The following TMEM131 variants were observed in gnomAD, a reference collection of about 807,000 sequenced individuals.
TMEM131 encodes the protein transmembrane protein 131, also known as 2610524E03Rik.
A neutral mutation model predicts 211.6 loss-of-function variants in TMEM131; 66 were observed. The ratio of observed to expected loss-of-function variants is 0.31; its 90% CI spans 0.26 to 0.38. The LOEUF (loss-of-function observed/expected upper bound fraction) is 0.38, where lower values mean the gene tolerates loss of function less well. Ranked by LOEUF, TMEM131 falls within the 10% of genes least tolerant of loss-of-function variation. The pLI, the probability that TMEM131 is intolerant of heterozygous loss-of-function variation, is 1.00. For missense variants in TMEM131, 2,036 were observed against 2,299.3 expected, an observed-to-expected ratio of 0.89 and a Z score of 2.34; for synonymous variants, 844 against 841.3, an observed-to-expected ratio of 1.00 and a Z score of -0.06.
intron 3 of TMEM131, among the ~76,000 whole-genome samples, chr2:97,894,467 T>C (rs139332913): frequency 0.025 from 3,825 of 152,336 alleles, 165 homozygotes; most frequent in African/African-American, 0.088. Context: ...TAAATTACTT[T>C]GGGCAGTATG....
At chr2:97,935,543 TTAAGA>T (rs1677405833) in intron 1 of TMEM131, among the ~76,000 whole-genome samples, 1 of 152,226 alleles carries the variant, frequency 6.6e-6, no homozygotes, top group African/African-American at 2.4e-5. Flanking sequence ...ATTTATAATA[TTAAGA>T]TAATGAAATT....
At chr2:97,810,862 G>A (rs1012525392) in intron 18 of TMEM131, among the ~76,000 whole-genome samples, 2 of 152,126 alleles carry the variant, frequency 1.3e-5, no homozygotes, top group African/African-American at 4.8e-5. Context: ...ATCTGTTTAA[G>A]CAGGTTTCTA....
chr2:97,759,150 C>A, intron 39 of TMEM131, 97 bp from the exon 40 acceptor site: 1 of 1,476,626 alleles, frequency 6.8e-7, no homozygotes, highest in Non-Finnish European at 9.3e-7. Flanking sequence ...CCAACCACTG[C>A]TCCTGGAGCC....
chr2:97,858,012 T>C (rs1324854946), intron 5 of TMEM131, among the ~76,000 whole-genome samples: 1 of 152,224 alleles, frequency 6.6e-6, no homozygotes, highest in Admixed American at 6.5e-5. Flanking sequence ...CCAGAAGTAA[T>C]ATGCTGATTT....
chr2:97,931,459 C>T (rs577472113), intron 1 of TMEM131, among the ~76,000 whole-genome samples: 1 of 152,230 alleles, frequency 6.6e-6, no homozygotes, highest in African/African-American at 2.4e-5. Flanking sequence ...TCTTTGTCTA[C>T]TAAGTTTTTG....
rs1681594982 is a variant in TMEM131 at position 97,812,504 on chromosome 2, C to T, written c.1780G>A (p.Val594Ile). 1.2e-6 allele frequency: 2 copies of T among 1,612,638 alleles called. No homozygotes were observed. The highest frequency in any genetic ancestry group is 2.2e-5 in the East Asian group (1 of 44,800). The change falls in exon 17 of 41, where the codon GTA becomes ATA. Residue 594 changes from valine (V) to isoleucine (I), a missense_variant. Val to Ile is a conservative substitution (Grantham distance 29). This residue lies in a region of TMEM131 where 1,623 missense variants were observed against 1,805.9 expected (regional missense o/e 0.90). Transcript: ENST00000186436. Reference sequence around the variant, plus strand: ...GTTCTATTGCCTCTTTCCACAGCTACAAGTTCTATTGATAAACCGTCTCCT... The same window carrying T: ...GTTCTATTGCCTCTTTCCACAGCTATAAGTTCTATTGATAAACCGTCTCCT... ...IIGDGLSIEL[V>I]AVERGNRTTI...
chr2:97,962,682 G>A (rs1239349285), intron 1 of TMEM131, among the ~76,000 whole-genome samples: 1 of 152,038 alleles, frequency 6.6e-6, no homozygotes, highest in African/African-American at 2.4e-5. Context: ...TCTACTCCCA[G>A]GTATTACTTG....
intron 31 of TMEM131, among the ~76,000 whole-genome samples, chr2:97,779,573 T>G (rs765545095): frequency 6.6e-6 from 1 of 152,234 alleles, no homozygotes; most frequent in African/African-American, 2.4e-5. Context: ...AAGTGTCCCC[T>G]GTTGCCCCAG....
rs189582653 is a variant in TMEM131 at position 97,871,720 on chromosome 2, T to C, written c.360-12293A>G. On this transcript the variant is annotated intron_variant, in intron 4 of 40. Transcript: ENST00000186436. ...TAGCCCCCTGCCCACAAAACTATCC[T>C]TGTAAAACCCTAATCTCCAAGCCTT... Among the ~76,000 whole-genome samples the C allele has an allele frequency of 5.4e-3, 819 of 152,252 alleles. 3 individuals carry two copies. The highest frequency in any genetic ancestry group is 7.5e-3 in the Non-Finnish European group (507 of 68,024).
intron 8 of TMEM131, among the ~76,000 whole-genome samples, chr2:97,835,650 G>A (rs1682904807): frequency 6.6e-6 from 1 of 152,174 alleles, no homozygotes; most frequent in Non-Finnish European, 1.5e-5. Context: ...CTACAGCTTA[G>A]TGGCCTTCAC....
intron 22 of TMEM131, among the ~76,000 whole-genome samples, chr2:97,803,924 T>C (rs1349553392): frequency 6.6e-6 from 1 of 152,240 alleles, no homozygotes; most frequent in Non-Finnish European, 1.5e-5. Flanking sequence ...TTTTAATTAG[T>C]GTTCTCTTAG....
chr2:97,757,016 A>C lies in TMEM131; in HGVS notation c.*83T>G, dbSNP rs1678519587. The C allele has an allele frequency of 6.9e-7, 1 of 1,457,592 alleles. No homozygotes were observed. The highest frequency in any genetic ancestry group is 1.4e-5 in the African/African-American group (1 of 70,690). 90.3% of individuals were successfully genotyped at this position (1,457,592 alleles called of 1,614,324 possible). On this transcript the variant is annotated 3_prime_UTR_variant, in exon 41 of 41. Coordinates refer to ENST00000186436, the MANE Select transcript of TMEM131 (RefSeq NM_015348.2). The stretch of plus-strand genomic sequence containing the variant: ...GGAGGGTGGGGAGGGGAGCTGCAGT[A>C]AGAGCCTTAAAAAGATGTCTCAGAA...
chr2:97,805,812 A>C, intron 19 of TMEM131, 109 bp from the exon 20 acceptor site: 1 of 994,142 alleles, frequency 1.0e-6, no homozygotes, highest in Non-Finnish European at 1.4e-6. Flanking sequence ...AGCCCAAAAG[A>C]CATCTTAGAA....
chr2:97,943,101 G>GCA lies in TMEM131; in HGVS notation c.188-15615_188-15614insTG, dbSNP rs1225034857. On this transcript the variant is annotated intron_variant, in intron 1 of 40. Coordinates refer to ENST00000186436, the MANE Select transcript of TMEM131 (RefSeq NM_015348.2). ...AGAAAGAAAGAAAGAAAGAAAGAAA[G>GCA]AGCTGGGTGTGGTGGTGCATGCCTG... Among the ~76,000 whole-genome samples the GCA allele has an allele frequency of 1.9e-3, 287 of 149,468 alleles. 3 individuals carry two copies. Among genetic ancestry groups the GCA allele is most frequent in the African/African-American group, 6.8e-3 (271 of 40,076 alleles).
intron 5 of TMEM131, among the ~76,000 whole-genome samples, chr2:97,853,432 TAAAAAAAAA>T (rs55752619): frequency 1.1e-5 from 1 of 90,418 alleles, no homozygotes; most frequent in Non-Finnish European, 2.1e-5. Flanking sequence ...CCATCTCTAC[TAAAAAAAAA>T]AAAAAAAAAA....
At chr2:97,763,215 A>T (rs911549274) in intron 35 of TMEM131, 4 of 152,432 alleles carry the variant, frequency 2.6e-5, no homozygotes, top group Admixed American at 2.0e-4. Flanking sequence ...CTGTAGCACA[A>T]GCTGCTTCTC....
intron 1 of TMEM131, among the ~76,000 whole-genome samples, chr2:97,991,126 T>G (rs1680245325): frequency 6.6e-6 from 1 of 152,164 alleles, no homozygotes; most frequent in Non-Finnish European, 1.5e-5. Context: ...CAATGAAAGT[T>G]TAGGCAAACT....
chr2:97,841,551 T>C (rs916059694), intron 7 of TMEM131, among the ~76,000 whole-genome samples: 7 of 152,192 alleles, frequency 4.6e-5, no homozygotes, highest in African/African-American at 1.7e-4. Context: ...CAGAGCTGCC[T>C]AAACTATAAC....
intron 1 of TMEM131, among the ~76,000 whole-genome samples, chr2:97,984,792 A>T (rs1002073928): frequency 6.6e-6 from 1 of 151,896 alleles, no homozygotes; most frequent in African/African-American, 2.4e-5. Flanking sequence ...ATAGCTTTTT[A>T]AAAAGAGTTT....
Sources: allele counts gnomAD v4.1 joint callset (sites outside exome capture counted in the v4.1 genomes callset), GRCh38; gene constraint gnomAD v4.1.1; regional missense constraint gnomAD v4.1.1; transcripts MANE v1.5; gene names NCBI Gene and HGNC (gene_info 2026-07-23, HGNC 2026-07-21).